The following NPFFR2 variants were observed in gnomAD, a reference collection of about 807,000 sequenced individuals.
NPFFR2 encodes G-protein coupled receptor 74.
In NPFFR2, 15 loss-of-function variants were observed where a neutral mutation model predicts 13.1. The ratio of observed to expected loss-of-function variants is 1.15; its 90% CI spans 0.77 to 1.76. The LOEUF (loss-of-function observed/expected upper bound fraction) is 1.76, where lower values mean the gene tolerates loss of function less well. NPFFR2 is among the 40% of genes most tolerant of loss of function. NPFFR2 has a pLI of 0.00. For missense variants in NPFFR2, 572 were observed against 503.5 expected, an observed-to-expected ratio of 1.14 and a Z score of -1.30; for synonymous variants, 190 against 175.7, an observed-to-expected ratio of 1.08 and a Z score of -0.65.
In NPFFR2 at chr4:72,138,846, C is replaced by T. The variant is rs577725390; in HGVS notation, c.428+707C>T. Among the ~76,000 whole-genome samples, 25 of 152,198 alleles carry T rather than the reference C, an allele frequency of 1.6e-4. No individual in the cohort carries two copies. In the East Asian group the frequency reaches 4.1e-3, roughly 25 times the overall value. On this transcript the variant is annotated intron_variant, in intron 3 of 3. Coordinates refer to ENST00000308744, the MANE Select transcript of NPFFR2 (RefSeq NM_004885.3). The stretch of plus-strand genomic sequence containing the variant: ...CTTGAGGAATCGTCACACTGTCTTC[C>T]CCAGTGACTGAACTAGTTTACACTC...
intron 3 of NPFFR2, among the ~76,000 whole-genome samples, chr4:72,142,493 A>T (rs1174044355): frequency 6.6e-6 from 1 of 152,170 alleles, no homozygotes; most frequent in Non-Finnish European, 1.5e-5. Flanking sequence ...GAAATGCAGA[A>T]ATAACCCATC....
rs141913034 is a variant in NPFFR2, at chr4:72,147,570, C to T, written c.1021C>T (p.Arg341Cys). The change falls in exon 4 of 4, where the codon CGC becomes TGC. Residue 341 changes from arginine to cysteine, a missense_variant. Physicochemically the swap from Arg to Cys is radical, Grantham distance 180. Transcript: ENST00000308744. Reference protein sequence around the residue: ...IIYGFFNENFRRGFQEAFQLQ... With the variant: ...IIYGFFNENFCRGFQEAFQLQ... ...TTATGGTTTCTTCAACGAGAATTTC[C>T]GCCGTGGTTTCCAAGAAGCTTTCCA... The T allele has an allele frequency of 4.2e-5, 68 of 1,614,152 alleles. 1 individual carries two copies. The highest frequency in any genetic ancestry group is 2.5e-4 in the South Asian group (23 of 91,088).
In NPFFR2 at chr4:72,115,523, A is replaced by T. The variant is rs139342831; in HGVS notation, c.-7-13062A>T. Among the ~76,000 whole-genome samples, 387 of 152,264 alleles carry T rather than the reference A, an allele frequency of 2.5e-3. 10 individuals are homozygous for T. The highest frequency in any genetic ancestry group is 0.022 in the Admixed American group (336 of 15,282). On this transcript the variant is annotated intron_variant, in intron 1 of 3. Transcript: ENST00000308744. ...TGAGCATGTGTGTCCTTGGTCTTATAGGCAGAGGTGTAGTGGGTACTATTG... is the reference window on the plus strand; with the variant it reads ...TGAGCATGTGTGTCCTTGGTCTTATTGGCAGAGGTGTAGTGGGTACTATTG...
chr4:72,067,635 C>G lies in NPFFR2; in HGVS notation c.-8+35435C>G, dbSNP rs28678627. Among the ~76,000 whole-genome samples the G allele has an allele frequency of 8.3e-3, 1,224 of 147,376 alleles. 8 individuals are homozygous for G. The highest frequency in any genetic ancestry group is 0.018 in the African/African-American group (706 of 40,134). The stretch of plus-strand genomic sequence containing the variant: ...ATAAATTCCTTCTTCAGTTTTTTTT[C>G]TCTCTTCTCACATTTTACTATAAAC... On this transcript the variant is annotated intron_variant, in intron 1 of 3. Transcript: ENST00000308744.
chr4:72,077,683 A>T (rs1720487053), intron 1 of NPFFR2, among the ~76,000 whole-genome samples: 1 of 152,138 alleles, frequency 6.6e-6, no homozygotes, highest in Non-Finnish European at 1.5e-5. Context: ...CTTAAATAAG[A>T]GCTTCATCAG....
chr4:72,085,093 T>C (rs1002699462), intron 1 of NPFFR2, among the ~76,000 whole-genome samples: 3 of 152,056 alleles, frequency 2.0e-5, no homozygotes, highest in Non-Finnish European at 4.4e-5. Context: ...AAAATAATGG[T>C]AAATCTTCTA....
chr4:72,131,011 T>C lies in NPFFR2; in HGVS notation c.328+2092T>C, dbSNP rs558462402. ...TGGGAAGATGATTGATGGTCCCTGG[T>C]TGAACTCCTCTCCAACCATAGTCTC... On this transcript the variant is annotated intron_variant, in intron 2 of 3. Transcript: ENST00000308744. 4.1e-4 allele frequency among the ~76,000 whole-genome samples: 62 copies of C among 152,204 alleles called. 1 individual carries two copies. In the South Asian group the frequency reaches 0.013, roughly 32 times the overall value.
At chr4:72,049,099 T>G (rs1297366342) in intron 1 of NPFFR2, among the ~76,000 whole-genome samples, 1 of 152,124 alleles carries the variant, frequency 6.6e-6, no homozygotes, top group Non-Finnish European at 1.5e-5. Context: ...ACTGCTCTAT[T>G]ACACAGCATA....
intron 1 of NPFFR2, among the ~76,000 whole-genome samples, chr4:72,070,065 A>G (rs1720199595): frequency 6.6e-6 from 1 of 152,166 alleles, no homozygotes; most frequent in African/African-American, 2.4e-5. Flanking sequence ...AATTAAACCA[A>G]GGAATATAGC....
rs1356300570 is a variant in NPFFR2, at chr4:72,148,050, T to C, written c.*238T>C. 1.0e-5 allele frequency: 4 copies of C among 394,088 alleles called. No homozygotes were observed. Among genetic ancestry groups the C allele is most frequent in the African/African-American group, 8.4e-5 (4 of 47,808 alleles). 24.4% of individuals were successfully genotyped at this position (394,088 alleles called of 1,614,324 possible). Reference sequence around the variant, plus strand: ...ATGTTTGCATGAATAAATATATTTCTAGAGAACAGTTTACAAAGCCTCATC... The same window carrying C: ...ATGTTTGCATGAATAAATATATTTCCAGAGAACAGTTTACAAAGCCTCATC... On this transcript the variant is annotated 3_prime_UTR_variant, in exon 4 of 4. Coordinates refer to ENST00000308744, the MANE Select transcript of NPFFR2 (RefSeq NM_004885.3).
intron 1 of NPFFR2, among the ~76,000 whole-genome samples, chr4:72,106,850 C>G (rs945027602): frequency 7.9e-5 from 12 of 151,906 alleles, no homozygotes; most frequent in African/African-American, 2.9e-4. Flanking sequence ...ACGATTTATT[C>G]CATCCAAATT....
chr4:72,043,269 G>A (rs1293739000), intron 1 of NPFFR2, among the ~76,000 whole-genome samples: 1 of 28,800 alleles, frequency 3.5e-5, no homozygotes, highest in African/African-American at 5.6e-5. Flanking sequence ...GATCGCTTGT[G>A]GAGAACCTGC....
chr4:72,060,123 G>T (rs185853882), intron 1 of NPFFR2, among the ~76,000 whole-genome samples: 86 of 152,202 alleles, frequency 5.7e-4, no homozygotes, highest in African/African-American at 2.0e-3. Flanking sequence ...GTTTTCCATT[G>T]TAGTGACTTG....
At chr4:72,126,957 T>C (rs1466111827) in intron 1 of NPFFR2, among the ~76,000 whole-genome samples, 1 of 152,106 alleles carries the variant, frequency 6.6e-6, no homozygotes, top group Non-Finnish European at 1.5e-5. Flanking sequence ...GTCCTGCAAG[T>C]CTTTCTAGTG....
At chr4:72,073,492 A>G (rs1226400670) in intron 1 of NPFFR2, among the ~76,000 whole-genome samples, 4 of 152,060 alleles carry the variant, frequency 2.6e-5, no homozygotes, top group Non-Finnish European at 4.4e-5. Flanking sequence ...AGGTGAATAC[A>G]TATGCAATTA....
chr4:72,124,980 C>A (rs924737576), intron 1 of NPFFR2, among the ~76,000 whole-genome samples: 3 of 152,156 alleles, frequency 2.0e-5, no homozygotes, highest in Non-Finnish European at 4.4e-5. Context: ...TCAGAGTGAA[C>A]AGGCAACCTA....
rs184263543 is a variant in NPFFR2, at chr4:72,045,355, C to T, written c.-8+13155C>T. ...ACATTCCCACACCAGGGAGTATTTCCACGTTCTCTATTCTGTTCCATTGAT... is the reference window on the plus strand; with the variant it reads ...ACATTCCCACACCAGGGAGTATTTCTACGTTCTCTATTCTGTTCCATTGAT... On this transcript the variant is annotated intron_variant, in intron 1 of 3. Coordinates refer to ENST00000308744, the MANE Select transcript of NPFFR2 (RefSeq NM_004885.3). Among the ~76,000 whole-genome samples, 824 of 152,208 alleles carry T rather than the reference C, an allele frequency of 5.4e-3. 12 individuals carry two copies. The highest frequency in any genetic ancestry group is 0.019 in the African/African-American group (778 of 41,548).
chr4:72,109,585 C>T (rs72856197), intron 1 of NPFFR2, among the ~76,000 whole-genome samples: 5,193 of 152,030 alleles, frequency 0.034, 288 homozygotes, highest in African/African-American at 0.12. Flanking sequence ...GATAATAATT[C>T]TGGAAATCTG....
chr4:72,060,615 C>T (rs575184641), intron 1 of NPFFR2, among the ~76,000 whole-genome samples: 1 of 152,128 alleles, frequency 6.6e-6, no homozygotes, highest in East Asian at 1.9e-4. Flanking sequence ...ATTCCAGTTG[C>T]GTAAAACAGT....
Sources: gnomAD v4.1 joint callset for allele counts (sites outside exome capture counted in the v4.1 genomes callset) on GRCh38, gnomAD v4.1.1 for gene constraint, MANE v1.5 for transcripts, NCBI Gene and HGNC (gene_info 2026-07-23, HGNC 2026-07-21) for gene names.